VPS13A: variants seen among roughly 807,000 people sequenced by gnomAD.
The protein encoded by VPS13A is vacuolar protein sorting 13 homolog A, also known as intermembrane lipid transfer protein VPS13A.
VPS13A carries 264 observed loss-of-function variants against 390.9 expected under a neutral mutation model. The ratio of observed to expected loss-of-function variants is 0.68; its 90% CI spans 0.61 to 0.75. VPS13A has a LOEUF of 0.75. Among genes scored for constraint, VPS13A ranks in the 30% least tolerant of loss-of-function variants. The pLI, the probability that VPS13A is intolerant of heterozygous loss-of-function variation, is 0.00. For synonymous variants in VPS13A, 1,231 were observed against 1,227.1 expected (o/e 1.00, Z -0.07); for missense variants, 3,409 against 3,733.9 (o/e 0.91, Z 2.27).
chr9:77,370,192 C>G (rs1466779998), intron 63 of VPS13A, 65 bp from the exon 64 acceptor site: 2 of 1,565,508 alleles, frequency 1.3e-6, no homozygotes, highest in Non-Finnish European at 1.8e-6. Flanking sequence ...CGTATATATC[C>G]GTAAGCTCAT....
intron 19 of VPS13A, among the ~76,000 whole-genome samples, chr9:77,245,681 T>C (rs761214115): frequency 3.3e-5 from 5 of 152,206 alleles, no homozygotes; most frequent in African/African-American, 4.8e-5. Context: ...TTGGGCTACC[T>C]GTGCAAGGCC....
At chr9:77,408,618 T>C (rs908591372) in intron 71 of VPS13A, among the ~76,000 whole-genome samples, 1 of 152,182 alleles carries the variant, frequency 6.6e-6, no homozygotes, top group Admixed American at 6.5e-5. Context: ...CCAACGGTCT[T>C]AGCAACCGGC....
intron 19 of VPS13A, among the ~76,000 whole-genome samples, chr9:77,246,582 T>C (rs1230471589): frequency 1.3e-5 from 2 of 152,300 alleles, no homozygotes; most frequent in Admixed American, 1.3e-4. Flanking sequence ...GCTGCTCATA[T>C]AATTTTTTCT....
At chr9:77,282,928 C>G (rs761562067) in intron 29 of VPS13A, among the ~76,000 whole-genome samples, 1 of 151,616 alleles carries the variant, frequency 6.6e-6, no homozygotes, top group Non-Finnish European at 1.5e-5. Context: ...TGCACTCCAT[C>G]CTGGGTAACA....
chr9:77,219,177 A>G (rs1254988260), intron 10 of VPS13A, among the ~76,000 whole-genome samples: 1 of 151,828 alleles, frequency 6.6e-6, no homozygotes, highest in Non-Finnish European at 1.5e-5. Context: ...TTTTTTTTCA[A>G]TGTAAGAAGA....
intron 1 of VPS13A, among the ~76,000 whole-genome samples, chr9:77,181,448 A>G (rs1824010288): frequency 6.7e-6 from 1 of 148,850 alleles, no homozygotes; most frequent in Non-Finnish European, 1.5e-5. Context: ...GCTGGGAGGC[A>G]TAGGTTGCAG....
At chr9:77,218,580 A>G (rs1590017976) in intron 10 of VPS13A, among the ~76,000 whole-genome samples, 3 of 152,026 alleles carry the variant, frequency 2.0e-5, no homozygotes, top group African/African-American at 2.4e-5. Context: ...AATGAATACT[A>G]AAGTTTGAGA....
intron 42 of VPS13A, among the ~76,000 whole-genome samples, chr9:77,320,295 A>G (rs1829665157): frequency 2.0e-5 from 3 of 152,184 alleles, no homozygotes; most frequent in Non-Finnish European, 4.4e-5. Context: ...CCACTATGCT[A>G]TAATGCCTGT....
At position 77,386,908 on chromosome 9, in the gene VPS13A, C is replaced by T. The variant is rs552649216; in HGVS notation, c.9189+4821C>T. Among the ~76,000 whole-genome samples, 6 of 151,914 alleles carry T rather than the reference C, an allele frequency of 3.9e-5. 1 individual carries two copies. In the South Asian group the frequency reaches 8.3e-4, roughly 21 times the overall value. On this transcript the variant is annotated intron_variant, in intron 68 of 71. Transcript: ENST00000360280. ...GTTTTTAGTAGAGATGGGGTTTCAC[C>T]GTGTTAGCCAGGATGGTCTCGATCT...
intron 31 of VPS13A, among the ~76,000 whole-genome samples, chr9:77,291,307 C>A (rs1827644058): frequency 6.6e-6 from 1 of 152,148 alleles, no homozygotes; most frequent in Non-Finnish European, 1.5e-5. Context: ...ACCCTCCAAC[C>A]CCCCAGCCCC....
At chr9:77,186,551 C>G (rs1226584635) in intron 1 of VPS13A, among the ~76,000 whole-genome samples, 2 of 152,034 alleles carry the variant, frequency 1.3e-5, no homozygotes, top group African/African-American at 4.8e-5. Flanking sequence ...GATTCTCCTG[C>G]CTCAGCCTCC....
At chr9:77,305,105 ATTT>A (rs1460243646) in intron 34 of VPS13A, among the ~76,000 whole-genome samples, 1 of 151,916 alleles carries the variant, frequency 6.6e-6, no homozygotes, top group Admixed American at 6.6e-5. Flanking sequence ...CGCCCGGCTA[ATTT>A]TTTGTGTTTG....
chr9:77,318,631 G>C, intron 41 of VPS13A, 40 bp downstream of exon 41: 3 of 1,411,028 alleles, frequency 2.1e-6, no homozygotes, highest in Non-Finnish European at 3.0e-6. Flanking sequence ...ATAATGATAC[G>C]TATGGAATAT....
intron 1 of VPS13A, among the ~76,000 whole-genome samples, chr9:77,195,273 G>A (rs1589979118): frequency 1.3e-5 from 2 of 152,172 alleles, no homozygotes; most frequent in South Asian, 2.1e-4. Context: ...GCAGGTGCCC[G>A]CCACAACACC....
At chr9:77,305,237 C>T (rs188090529) in intron 34 of VPS13A, among the ~76,000 whole-genome samples, 9 of 152,058 alleles carry the variant, frequency 5.9e-5, no homozygotes, top group Non-Finnish European at 1.3e-4. Flanking sequence ...CACGCCTGGC[C>T]GAGATTTCAG....
At chr9:77,258,592 A>C (rs959020758) in intron 22 of VPS13A, among the ~76,000 whole-genome samples, 2 of 152,296 alleles carry the variant, frequency 1.3e-5, no homozygotes, top group Admixed American at 1.3e-4. Context: ...TAAGAGACAG[A>C]AGGAAAGAAA....
intron 13 of VPS13A, among the ~76,000 whole-genome samples, chr9:77,224,417 A>G (rs1300445988): frequency 6.6e-6 from 1 of 152,226 alleles, no homozygotes; most frequent in East Asian, 1.9e-4. Flanking sequence ...TCTATATGCC[A>G]TTAAGAATAT....
intron 34 of VPS13A, 108 bp from the exon 35 acceptor site, chr9:77,307,837 A>G: frequency 1.1e-6 from 1 of 871,520 alleles, no homozygotes; most frequent in Non-Finnish European, 1.8e-6. Context: ...TTGGTGTGGT[A>G]GAGGATTGAA....
intron 52 of VPS13A, among the ~76,000 whole-genome samples, chr9:77,350,653 C>T (rs773717050): frequency 3.9e-5 from 6 of 152,006 alleles, no homozygotes; most frequent in Non-Finnish European, 7.4e-5. Context: ...TATTTTCTTG[C>T]GAGTGACTAT....
Sources: allele counts gnomAD v4.1 joint callset (sites outside exome capture counted in the v4.1 genomes callset), GRCh38; gene constraint gnomAD v4.1.1; transcripts MANE v1.5; gene names NCBI Gene and HGNC (gene_info 2026-07-23, HGNC 2026-07-21).